CEP135: variants seen among roughly 807,000 people sequenced by gnomAD.
CEP135 encodes centrosomal protein of 135 kDa.
CEP135 carries 142 observed loss-of-function variants against 157.3 expected under a neutral mutation model. That is an observed-to-expected ratio of 0.90 (90% CI 0.79 to 1.04). CEP135 has a LOEUF of 1.04. Among genes scored for constraint, CEP135 ranks in the 50% least tolerant of loss-of-function variants. The probability of loss-of-function intolerance (pLI) is 0.00; values close to 1 mark genes in which losing one functional copy is unlikely to be tolerated. For synonymous variants in CEP135, 396 were observed against 439.8 expected (o/e 0.90, Z 1.25); for missense variants, 1,317 against 1,309.2 (o/e 1.01, Z -0.09).
chr4:55,967,443 A>G (rs931840494), intron 8 of CEP135, among the ~76,000 whole-genome samples: 4 of 152,220 alleles, frequency 2.6e-5, no homozygotes, highest in Admixed American at 1.3e-4. Context: ...ACAGTGCACT[A>G]TTGGGGTATG....
chr4:56,022,441 G>T (rs1045928982), intron 24 of CEP135, among the ~76,000 whole-genome samples: 2 of 152,150 alleles, frequency 1.3e-5, no homozygotes, highest in Admixed American at 6.6e-5. Context: ...TAGTAGAATG[G>T]TTTATGTCCC....
intron 21 of CEP135, among the ~76,000 whole-genome samples, chr4:56,015,931 C>T (rs770596394): frequency 6.6e-6 from 1 of 152,124 alleles, no homozygotes; most frequent in East Asian, 1.9e-4. Flanking sequence ...CAGAAAGATA[C>T]GTTGAAATCC....
chr4:56,007,977 A>G (rs1005590354), intron 17 of CEP135, among the ~76,000 whole-genome samples: 9 of 152,190 alleles, frequency 5.9e-5, no homozygotes, highest in Non-Finnish European at 1.2e-4. Context: ...ATATGCAGTT[A>G]TTATTGGCCA....
At chr4:55,956,191 T>A (rs1728498263) in intron 4 of CEP135, among the ~76,000 whole-genome samples, 3 of 150,302 alleles carry the variant, frequency 2.0e-5, no homozygotes, top group Admixed American at 2.0e-4. Flanking sequence ...AAAACTCCTT[T>A]TGTATACTCC....
intron 21 of CEP135, among the ~76,000 whole-genome samples, chr4:56,016,437 T>C (rs1730775060): frequency 6.6e-6 from 1 of 152,180 alleles, no homozygotes; most frequent in Admixed American, 6.5e-5. Context: ...AAAGAGTTTT[T>C]CAGCAACTGT....
At chr4:55,969,185 G>A in intron 9 of CEP135, 57 bp downstream of exon 9, 1 of 1,447,856 alleles carries the variant, frequency 6.9e-7, no homozygotes, top group South Asian at 1.2e-5. Flanking sequence ...TTTTATGGGA[G>A]ACTGAGGTGG....
intron 13 of CEP135, among the ~76,000 whole-genome samples, chr4:55,983,636 C>A (rs1729481058): frequency 7.2e-6 from 1 of 139,222 alleles, no homozygotes; most frequent in African/African-American, 3.1e-5. Context: ...TCACAATAGC[C>A]TCTTTTTTTT....
In CEP135 at chr4:55,969,109, C is replaced by T. The variant is rs201345682; in HGVS notation, c.1091C>T (p.Thr364Ile). 4.0e-5 allele frequency: 65 copies of T among 1,612,362 alleles called. No homozygotes were observed. The highest frequency in any genetic ancestry group is 3.4e-5 in the Admixed American group (2 of 59,600). The change falls in exon 9 of 26, where the codon ACA becomes ATA. Residue 364 changes from threonine to isoleucine, a missense_variant. By Grantham distance (89) the Thr-to-Ile change is moderately conservative. Coordinates refer to ENST00000257287, the MANE Select transcript of CEP135 (RefSeq NM_025009.5). ...KLSEMQDLEE[T>I]MAKLQLELNL... Reference sequence around the variant, plus strand: ...TCTGAAATGCAGGATCTTGAAGAAACAATGGCAAAACTTCAGCTGGTAAGT... The same window carrying T: ...TCTGAAATGCAGGATCTTGAAGAAATAATGGCAAAACTTCAGCTGGTAAGT...
intron 6 of CEP135, among the ~76,000 whole-genome samples, chr4:55,964,060 A>G (rs1728767619): frequency 1.3e-5 from 2 of 152,270 alleles, no homozygotes; most frequent in African/African-American, 4.8e-5. Context: ...AAAAATACAT[A>G]TGAAAGATAT....
At chr4:55,966,789 G>C (rs1235197102) in intron 8 of CEP135, among the ~76,000 whole-genome samples, 1 of 152,070 alleles carries the variant, frequency 6.6e-6, no homozygotes, top group African/African-American at 2.4e-5. Flanking sequence ...TGGCCACCAA[G>C]AATTCTTTAA....
chr4:56,012,047 C>CTTTATTTA (rs965709020), intron 21 of CEP135, 62 bp downstream of exon 21: 1 of 990,682 alleles, frequency 1.0e-6, no homozygotes, highest in African/African-American at 1.7e-5. Context: ...TTCAAAGATA[C>CTTTATTTA]TTTATTTATT....
At position 55,954,229 on chromosome 4, in the gene CEP135, A is replaced by G; in HGVS notation, c.318A>G (p.Ser106=). Residue 106 remains serine, a synonymous_variant, in exon 4 of 26, where the codon TCA becomes TCG. Transcript: ENST00000257287. ...TTTCATTTTAAGAGTTGAAAACTTC[A>G]TTGAAGAAATGTGCACGTGAAACAG... The part of the protein sequence containing the change: ...SDQHVKELKT[S]LKKCARETAD... 1.9e-6 allele frequency: 3 copies of G among 1,585,922 alleles called. 1 individual carries two copies. The South Asian group carries it at 3.5e-5, about 19-fold the overall frequency.
At chr4:55,984,546 G>T (rs9884589) in intron 13 of CEP135, among the ~76,000 whole-genome samples, 71,929 of 151,976 alleles carry the variant, frequency 0.47, 17,589 homozygotes, top group African/African-American at 0.6. Flanking sequence ...ATATTCTTGA[G>T]ACCTTGCTTG....
intron 2 of CEP135, 76 bp from the exon 3 acceptor site, chr4:55,953,009 C>T (rs1728405280): frequency 7.9e-7 from 1 of 1,266,648 alleles, no homozygotes; most frequent in South Asian, 1.7e-5. Context: ...TATTTTAAGC[C>T]TCTTTAGAAA....
intron 10 of CEP135, among the ~76,000 whole-genome samples, chr4:55,972,176 A>G (rs975528432): frequency 6.6e-6 from 1 of 152,084 alleles, no homozygotes; most frequent in African/African-American, 2.4e-5. Flanking sequence ...TTATTCATTC[A>G]TTAATTTGAC....
chr4:55,978,255 C>A (rs1261242570), intron 11 of CEP135, among the ~76,000 whole-genome samples: 1 of 152,154 alleles, frequency 6.6e-6, no homozygotes, highest in African/African-American at 2.4e-5. Flanking sequence ...CAGGTTCCTA[C>A]TGTGGCCCTC....
chr4:55,958,018 C>T (rs1451793601), intron 5 of CEP135, among the ~76,000 whole-genome samples: 1 of 152,182 alleles, frequency 6.6e-6, no homozygotes, highest in East Asian at 1.9e-4. Flanking sequence ...ACGGTGATAG[C>T]TGGAGAAGCA....
chr4:56,023,461 A>G (rs1456179621), intron 24 of CEP135, among the ~76,000 whole-genome samples: 1 of 151,874 alleles, frequency 6.6e-6, no homozygotes, highest in Non-Finnish European at 1.5e-5. Flanking sequence ...TTTTAAGTAT[A>G]AAGAAGAAAA....
intron 17 of CEP135, among the ~76,000 whole-genome samples, chr4:56,003,099 C>A (rs1730235478): frequency 1.3e-5 from 2 of 151,800 alleles, no homozygotes; most frequent in Non-Finnish European, 2.9e-5. Flanking sequence ...TTTATTGGGT[C>A]TTCTCTCTTT....
Sources: gnomAD v4.1 joint callset for allele counts (sites outside exome capture counted in the v4.1 genomes callset) on GRCh38, gnomAD v4.1.1 for gene constraint, MANE v1.5 for transcripts, NCBI Gene and HGNC (gene_info 2026-07-23, HGNC 2026-07-21) for gene names.